WDFY3: variants seen among roughly 807,000 people sequenced by gnomAD.
The protein encoded by WDFY3 is WD repeat and FYVE domain-containing protein 3.
WDFY3 carries 66 observed loss-of-function variants against 409.6 expected under a neutral mutation model. The observed-to-expected ratio is 0.16, with a 90% CI of 0.13 to 0.20. WDFY3 has a LOEUF of 0.20. Among genes scored for constraint, WDFY3 ranks in the 10% least tolerant of loss-of-function variants. The pLI is 1.00. For missense variants in WDFY3, 3,031 were observed against 4,298.1 expected (o/e 0.71, Z 8.24); for synonymous variants, 1,521 against 1,537.1 (o/e 0.99, Z 0.25).
At chr4:84,837,218 A>T in intron 6 of WDFY3, 128 bp from the exon 7 acceptor site, 2 of 755,746 alleles carry the variant, frequency 2.6e-6, no homozygotes, top group Non-Finnish European at 3.7e-6. Flanking sequence ...GTAAGAATTT[A>T]AAAATGACTC....
intron 1 of WDFY3, among the ~76,000 whole-genome samples, chr4:84,946,160 C>G (rs6847811): frequency 0.41 from 61,932 of 152,054 alleles, 13,168 homozygotes; most frequent in African/African-American, 0.51. Flanking sequence ...GAGTTAGCTT[C>G]CTAGAAACAG....
chr4:84,771,500 ACTAC>A (rs1337382388), intron 30 of WDFY3, among the ~76,000 whole-genome samples: 2 of 152,220 alleles, frequency 1.3e-5, no homozygotes, highest in African/African-American at 4.8e-5. Context: ...AAGCACTTTC[ACTAC>A]CTAATTATAA....
intron 12 of WDFY3, 101 bp from the exon 13 acceptor site, chr4:84,817,686 C>G (rs1383841581): frequency 9.3e-7 from 1 of 1,074,586 alleles, no homozygotes; most frequent in Non-Finnish European, 1.3e-6. Context: ...TAAAGTAACT[C>G]ATAATAATGT....
At chr4:84,853,251 A>G (rs561888955) in intron 4 of WDFY3, among the ~76,000 whole-genome samples, 1 of 151,498 alleles carries the variant, frequency 6.6e-6, no homozygotes, top group Admixed American at 6.6e-5. Context: ...GCTCACTGCA[A>G]CCTCTGCCTC....
rs1169572263 is a variant in WDFY3, at chr4:84,671,419, A to C, written c.*1449T>G. The C allele has an allele frequency of 6.6e-6, 1 of 152,136 alleles. No individual in the cohort carries two copies. Among genetic ancestry groups the C allele is most frequent in the Non-Finnish European group, 1.5e-5 (1 of 67,956 alleles). 9.4% of individuals were successfully genotyped at this position (152,136 alleles called of 1,614,324 possible). On this transcript the variant is annotated 3_prime_UTR_variant, in exon 68 of 68. Coordinates refer to ENST00000295888, the MANE Select transcript of WDFY3 (RefSeq NM_014991.6). ...TTTTTCAAATCACAGGGCTTTTAGA[A>C]TTGTTCATAATGTTATCACTAAGTT...
chr4:84,672,784 A>T lies in WDFY3; in HGVS notation c.*84T>A. ...GGTATGAAGAGATGTGTAAACGGAGACTGTTTTCAATGCCTTCCAAGCTGG... is the reference window on the plus strand; with the variant it reads ...GGTATGAAGAGATGTGTAAACGGAGTCTGTTTTCAATGCCTTCCAAGCTGG... On this transcript the variant is annotated 3_prime_UTR_variant, in exon 68 of 68. Coordinates refer to ENST00000295888, the MANE Select transcript of WDFY3 (RefSeq NM_014991.6). 1 of 1,554,448 alleles carries T rather than the reference A, an allele frequency of 6.4e-7. No individual in the cohort carries two copies. The highest frequency in any genetic ancestry group is 1.2e-5 in the South Asian group (1 of 83,592).
rs201800310 is a variant in WDFY3, at chr4:84,801,809, G to C, written c.2663C>G (p.Thr888Arg). The C allele has an allele frequency of 5.8e-5, 93 of 1,614,052 alleles. No individual in the cohort carries two copies. Among genetic ancestry groups the C allele is most frequent in the Non-Finnish European group, 3.1e-5 (37 of 1,180,044 alleles). Residue 888 changes from threonine to arginine, a missense_variant, in exon 17 of 68, where the codon ACA becomes AGA. Around this residue, in one of 16 missense-constraint regions of WDFY3, gnomAD observed 1,322 missense variants for 1,697.9 expected, o/e 0.78. Coordinates refer to ENST00000295888, the MANE Select transcript of WDFY3 (RefSeq NM_014991.6). ...ACACATGACTTGCTGGTTCCTTTCT[G>C]TGTGCACCAGGGATTGTAAAATATT... is the stretch of plus-strand genomic sequence containing the variant. The part of the protein sequence containing the change: ...VANILQSLVH[T>R]ERNQQVMCEA...
intron 46 of WDFY3, among the ~76,000 whole-genome samples, chr4:84,723,527 G>C (rs1735172816): frequency 6.6e-6 from 1 of 152,092 alleles, no homozygotes. Context: ...GTGAATCAGA[G>C]GCTTACAAAG....
intron 3 of WDFY3, among the ~76,000 whole-genome samples, chr4:84,883,197 C>T (rs549774015): frequency 2.0e-5 from 3 of 152,284 alleles, no homozygotes; most frequent in South Asian, 4.1e-4. Context: ...TATCATTAGA[C>T]ATGTCCTAAT....
chr4:84,842,699 T>C (rs1757540968), intron 5 of WDFY3, among the ~76,000 whole-genome samples: 1 of 151,948 alleles, frequency 6.6e-6, no homozygotes, highest in African/African-American at 2.4e-5. Flanking sequence ...GGAGAATTAC[T>C]TGAACCCAGA....
intron 13 of WDFY3, 55 bp from the exon 14 acceptor site, chr4:84,810,399 A>C (rs1752299555): frequency 7.2e-7 from 1 of 1,394,394 alleles, no homozygotes; most frequent in Non-Finnish European, 9.4e-7. Context: ...AAAAAAAAAA[A>C]AAAACCACTA....
rs1751000625 is a variant in WDFY3, at chr4:84,803,521, C to T, written c.2430-54G>A. The stretch of plus-strand genomic sequence containing the variant: ...ATTGAATTCCAATCACATTCTCTTC[C>T]TCTTCAGTTACTTTCATCCACTGAT... On this transcript the variant is annotated intron_variant, in intron 15 of 67. Coordinates refer to ENST00000295888, the MANE Select transcript of WDFY3 (RefSeq NM_014991.6). The T allele has an allele frequency of 2.6e-6, 4 of 1,540,306 alleles. No homozygotes were observed. In the Admixed American group the frequency reaches 7.8e-5, roughly 30 times the overall value.
chr4:84,784,020 T>C (rs2149500318), intron 24 of WDFY3, among the ~76,000 whole-genome samples: 1 of 152,280 alleles, frequency 6.6e-6, no homozygotes, highest in South Asian at 2.1e-4. Flanking sequence ...GAGTTCACCT[T>C]GCTAAACCCC....
intron 3 of WDFY3, among the ~76,000 whole-genome samples, chr4:84,865,456 A>T (rs999453175): frequency 5.3e-5 from 8 of 152,208 alleles, no homozygotes; most frequent in African/African-American, 1.9e-4. Flanking sequence ...AAGTTTAGCC[A>T]GAATTCCCAT....
At chr4:84,950,939 G>A (rs139714138) in intron 1 of WDFY3, among the ~76,000 whole-genome samples, 63 of 152,294 alleles carry the variant, frequency 4.1e-4, no homozygotes, top group Non-Finnish European at 7.6e-4. Context: ...AATTACTAGG[G>A]AGGGCCTTAC....
chr4:84,852,496 G>A (rs1560926578), intron 4 of WDFY3, among the ~76,000 whole-genome samples: 1 of 152,146 alleles, frequency 6.6e-6, no homozygotes, highest in African/African-American at 2.4e-5. Flanking sequence ...TTTCTTACAT[G>A]TTTCTTATAA....
intron 47 of WDFY3, among the ~76,000 whole-genome samples, chr4:84,719,682 T>A (rs573634163): frequency 6.6e-6 from 1 of 152,278 alleles, no homozygotes; most frequent in South Asian, 2.1e-4. Context: ...ATATTATATA[T>A]AAACACATAC....
intron 1 of WDFY3, among the ~76,000 whole-genome samples, chr4:84,950,253 TG>T (rs1773434483): frequency 8.7e-6 from 1 of 114,750 alleles, no homozygotes; most frequent in Admixed American, 1.0e-4. Flanking sequence ...TATCGGGGGT[TG>T]GGGGGCAAGG....
intron 10 of WDFY3, among the ~76,000 whole-genome samples, chr4:84,824,205 A>C (rs759646772): frequency 4.6e-5 from 7 of 152,204 alleles, no homozygotes; most frequent in Non-Finnish European, 1.0e-4. Flanking sequence ...TTACAGTCTG[A>C]AAACATTACA....
Sources: gnomAD v4.1 joint callset for allele counts (sites outside exome capture counted in the v4.1 genomes callset) on GRCh38, gnomAD v4.1.1 for gene constraint, gnomAD v4.1.1 regional missense constraint, MANE v1.5 for transcripts, NCBI Gene and HGNC (gene_info 2026-07-23, HGNC 2026-07-21) for gene names.